Variants in KAZN observed in about 807,000 individuals in gnomAD.
KAZN encodes kazrin, periplakin interacting protein.
Under a neutral mutation model 87.4 loss-of-function variants are expected in KAZN, and 40 were observed. The ratio of observed to expected loss-of-function variants is 0.46; its 90% CI spans 0.36 to 0.60. The LOEUF (loss-of-function observed/expected upper bound fraction) is 0.60, where lower values mean the gene tolerates loss of function less well. KAZN is among the 20% of genes least tolerant of loss of function. The probability of loss-of-function intolerance (pLI) is 0.00; values close to 1 mark genes in which losing one functional copy is unlikely to be tolerated. For synonymous variants in KAZN, 466 were observed against 458.3 expected, an observed-to-expected ratio of 1.02 and a Z score of -0.22; for missense variants, 898 against 1,073.9, an observed-to-expected ratio of 0.84 and a Z score of 2.29.
At chr1:14,530,669 C>T (rs566191310) in intron 2 of KAZN, among the ~76,000 whole-genome samples, 1 of 152,230 alleles carries the variant, frequency 6.6e-6, no homozygotes, top group South Asian at 2.1e-4. Context: ...GTGCCTGATC[C>T]CCCTTCACCT....
In KAZN at chr1:14,573,887, G is replaced by GA. The variant is rs375500863; in HGVS notation, c.250-25088dup. On this transcript the variant is annotated intron_variant, in intron 2 of 16. Coordinates refer to the KAZN transcript ENST00000636203. ...CTGAAACAAGAAACATCTTAATAAA[G>GA]AAAAAAAAGTCTTAATTAAGATAAA... Among the ~76,000 whole-genome samples, 882 of 151,550 alleles carry GA rather than the reference G, an allele frequency of 5.8e-3. 14 individuals are homozygous for GA. The highest frequency in any genetic ancestry group is 0.021 in the African/African-American group (851 of 41,328).
At chr1:14,402,404 A>T (rs1015565204) in intron 2 of KAZN, among the ~76,000 whole-genome samples, 2 of 151,870 alleles carry the variant, frequency 1.3e-5, no homozygotes, top group Non-Finnish European at 2.9e-5. Flanking sequence ...TTATGATCTA[A>T]GCTATCTAAA....
intron 2 of KAZN, among the ~76,000 whole-genome samples, chr1:14,189,399 T>A (rs2100352966): frequency 6.6e-6 from 1 of 152,298 alleles, no homozygotes; most frequent in South Asian, 2.1e-4. Context: ...TAGATTTGTA[T>A]CCGTGACTGC....
chr1:14,688,892 C>T (rs2148779078), intron 1 of KAZN, among the ~76,000 whole-genome samples: 1 of 152,222 alleles, frequency 6.6e-6, no homozygotes, highest in South Asian at 2.1e-4. Context: ...TTAAAAATGC[C>T]AGTAAGAGTT....
At chr1:14,692,633 CAAG>C (rs1310418000) in intron 1 of KAZN, 2 of 152,504 alleles carry the variant, frequency 1.3e-5, no homozygotes, top group East Asian at 1.9e-4. Context: ...TTGAGCACTG[CAAG>C]AAGAAGGAGC....
intron 2 of KAZN, among the ~76,000 whole-genome samples, chr1:14,284,753 G>A: frequency 6.6e-6 from 1 of 152,222 alleles, no homozygotes; most frequent in East Asian, 1.9e-4. Context: ...GTCATCAGGA[G>A]TTTAGGATCA....
At chr1:14,411,846 A>G (rs1419252400) in intron 2 of KAZN, among the ~76,000 whole-genome samples, 1 of 152,256 alleles carries the variant, frequency 6.6e-6, no homozygotes, top group Non-Finnish European at 1.5e-5. Flanking sequence ...AAGAAAGTCT[A>G]TGAGTTAAAA....
At chr1:14,332,639 C>T (rs1263267664) in intron 2 of KAZN, among the ~76,000 whole-genome samples, 1 of 152,126 alleles carries the variant, frequency 6.6e-6, no homozygotes, top group Non-Finnish European at 1.5e-5. Context: ...AATTGCACCT[C>T]CTATGGAACA....
At chr1:14,646,599 G>T (rs1188189105) in intron 1 of KAZN, among the ~76,000 whole-genome samples, 1 of 151,976 alleles carries the variant, frequency 6.6e-6, no homozygotes, top group Non-Finnish European at 1.5e-5. Flanking sequence ...TCTATTGTGG[G>T]GCTGTCCTAT....
At chr1:14,039,119 C>T (rs1641689757) in intron 1 of KAZN, among the ~76,000 whole-genome samples, 1 of 149,836 alleles carries the variant, frequency 6.7e-6, no homozygotes, top group South Asian at 2.1e-4. Flanking sequence ...TGCAGTGAGC[C>T]AAGATCGTGC....
intron 3 of KAZN, among the ~76,000 whole-genome samples, chr1:15,043,083 T>C (rs879389963): frequency 6.6e-6 from 1 of 152,154 alleles, no homozygotes; most frequent in Non-Finnish European, 1.5e-5. Flanking sequence ...AAACAGCTCA[T>C]GCAGGAGGGC....
At chr1:14,394,563 T>C (rs1268417810) in intron 2 of KAZN, among the ~76,000 whole-genome samples, 1 of 152,198 alleles carries the variant, frequency 6.6e-6, no homozygotes, top group Non-Finnish European at 1.5e-5. Flanking sequence ...GTCATAACAC[T>C]CCTGGGAAAA....
intron 1 of KAZN, among the ~76,000 whole-genome samples, chr1:13,980,098 A>G (rs537119128): frequency 6.6e-6 from 1 of 152,316 alleles, no homozygotes; most frequent in East Asian, 1.9e-4. Context: ...TAATAAACCA[A>G]GCAAGCATGT....
At chr1:14,826,538 C>G (rs996573790) in intron 1 of KAZN, among the ~76,000 whole-genome samples, 1 of 152,180 alleles carries the variant, frequency 6.6e-6, no homozygotes, top group African/African-American at 2.4e-5. Flanking sequence ...GCTGATGGCC[C>G]GTTCCCCATG....
At chr1:15,003,423 G>T (rs1164021137) in intron 2 of KAZN, among the ~76,000 whole-genome samples, 4 of 152,176 alleles carry the variant, frequency 2.6e-5, no homozygotes, top group African/African-American at 9.7e-5. Context: ...GATGGTGTCA[G>T]GGTGTCTACA....
At chr1:14,902,568 G>A (rs1163264494) in intron 1 of KAZN, among the ~76,000 whole-genome samples, 1 of 152,096 alleles carries the variant, frequency 6.6e-6, no homozygotes, top group East Asian at 1.9e-4. Flanking sequence ...TGTTTCCAAG[G>A]GGAGGCTAAT....
rs542886879 is a variant in KAZN at position 14,232,192 on chromosome 1, G to C, written c.249+51600G>C. Among the ~76,000 whole-genome samples, 187 of 152,266 alleles carry C rather than the reference G, an allele frequency of 1.2e-3. 1 individual carries two copies. Among genetic ancestry groups the C allele is most frequent in the Admixed American group, 1.8e-3 (28 of 15,296 alleles). On this transcript the variant is annotated intron_variant, in intron 2 of 16. Coordinates refer to the KAZN transcript ENST00000636203. ...TTAGATGATTGCTGCTATCACACCA[G>C]GTGACTCTTATTATAGTCAAAAGCA...
intron 1 of KAZN, among the ~76,000 whole-genome samples, chr1:14,066,549 AT>A (rs996970590): frequency 3.1e-4 from 47 of 152,140 alleles, no homozygotes; most frequent in African/African-American, 1.0e-3. Flanking sequence ...TGTTCATTTT[AT>A]GGTTAGAACA....
chr1:14,861,236 G>A (rs899130172), intron 1 of KAZN, among the ~76,000 whole-genome samples: 5 of 152,146 alleles, frequency 3.3e-5, no homozygotes, highest in Admixed American at 6.5e-5. Context: ...AAATTAGCTG[G>A]GTACGGTGAC....
Sources: gnomAD v4.1 joint callset for allele counts (sites outside exome capture counted in the v4.1 genomes callset) on GRCh38, gnomAD v4.1.1 for gene constraint, MANE v1.5 for transcripts, NCBI Gene and HGNC (gene_info 2026-07-23, HGNC 2026-07-21) for gene names.